VWF: variants seen among roughly 807,000 people sequenced by gnomAD.
VWF encodes von Willebrand factor, also known as Factor VIII related antigen.
VWF carries 176 observed loss-of-function variants against 308.6 expected under a neutral mutation model. The observed-to-expected ratio is 0.57, with a 90% CI of 0.50 to 0.65. The LOEUF (loss-of-function observed/expected upper bound fraction) is 0.65. Ranked by LOEUF, VWF falls within the 30% of genes least tolerant of loss-of-function variation. The pLI, the probability that VWF is intolerant of heterozygous loss-of-function variation, is 0.00. For synonymous variants in VWF, 1,385 were observed against 1,443.4 expected (o/e 0.96, Z 0.92); for missense variants, 3,146 against 3,648.2 (o/e 0.86, Z 3.55).
At chr12:5,990,027 A>G (rs1460281956) in intron 38 of VWF, among the ~76,000 whole-genome samples, 1 of 152,250 alleles carries the variant, frequency 6.6e-6, no homozygotes, top group Admixed American at 6.5e-5. Context: ...ATATCACAGA[A>G]CAGGCAATTA....
At position 6,069,094 on chromosome 12, in the gene VWF, C is replaced by T. The variant is rs150025007; in HGVS notation, c.1156+2203G>A. The stretch of plus-strand genomic sequence containing the variant: ...CTGGTCTCCAACCCCTGGGCTCAAG[C>T]GCTCTGCCCACTGAGCCTCCCAAAA... On this transcript the variant is annotated intron_variant, in intron 10 of 51. Transcript: ENST00000261405. Among the ~76,000 whole-genome samples, 217 of 151,734 alleles carry T rather than the reference C, an allele frequency of 1.4e-3. 2 individuals carry two copies. The highest frequency in any genetic ancestry group is 4.8e-3 in the African/African-American group (199 of 41,316).
At chr12:6,104,595 T>C (rs181113544) in intron 5 of VWF, among the ~76,000 whole-genome samples, 2 of 150,050 alleles carry the variant, frequency 1.3e-5, no homozygotes, top group African/African-American at 4.9e-5. Flanking sequence ...TACTCAGGAG[T>C]CTGAGGCAGG....
chr12:5,953,314 AAT>A (rs1225845456), intron 48 of VWF, among the ~76,000 whole-genome samples, 180 bp downstream of exon 48: 3 of 152,204 alleles, frequency 2.0e-5, no homozygotes, highest in Non-Finnish European at 4.4e-5. Flanking sequence ...AAAATAACTA[AAT>A]AAAAGAGAAA....
intron 37 of VWF, among the ~76,000 whole-genome samples, chr12:5,992,306 C>A (rs927746705): frequency 6.6e-6 from 1 of 152,206 alleles, no homozygotes; most frequent in Non-Finnish European, 1.5e-5. Context: ...ATGGCAGCTT[C>A]CAGGAGTCCA....
In VWF at chr12:6,063,043, T is replaced by C; in HGVS notation, c.1444A>G (p.Ile482Val). 6.2e-7 allele frequency: 1 copy of C among 1,613,316 alleles called. No individual in the cohort carries two copies. The highest frequency in any genetic ancestry group is 1.1e-5 in the South Asian group (1 of 91,048). ...QLPLLKGDLR[I>V]QHTVTASVRL... Reference sequence around the variant, plus strand: ...ACGGAGGCCGTCACTGTATGCTGGATGCGGAGGTCACCTGGAACCCAGCAG... The same window carrying C: ...ACGGAGGCCGTCACTGTATGCTGGACGCGGAGGTCACCTGGAACCCAGCAG... The change falls in exon 13 of 52, where the codon ATC becomes GTC. Residue 482 changes from isoleucine to valine, a missense_variant. By Grantham distance (29) the Ile-to-Val change is conservative. This residue lies in a region of VWF where 1,304 missense variants were observed against 1,353.0 expected (regional missense o/e 0.96). Coordinates refer to ENST00000261405, the MANE Select transcript of VWF (RefSeq NM_000552.5). The surrounding 1 kb of genome is among the most constrained non-coding windows in gnomAD (Gnocchi z 4.9).
chr12:6,110,640 TC>T, intron 4 of VWF, 58 bp from the exon 5 acceptor site: 1 of 1,569,300 alleles, frequency 6.4e-7, no homozygotes, highest in Non-Finnish European at 8.8e-7. Flanking sequence ...TGGATGTCTC[TC>T]CCACCTTCTA....
intron 34 of VWF, 136 bp from the exon 35 acceptor site, chr12:5,996,358 A>C: frequency 1.3e-6 from 1 of 796,010 alleles, no homozygotes; most frequent in Non-Finnish European, 2.1e-6. Flanking sequence ...GAGGTCATAT[A>C]GAACAATTTC....
intron 18 of VWF, 30 bp from the exon 19 acceptor site, chr12:6,036,521 G>C (rs999457108): frequency 6.2e-7 from 1 of 1,603,728 alleles, no homozygotes; most frequent in African/African-American, 1.3e-5. Flanking sequence ...AAGTCCTCAG[G>C]GCCACAGTGA....
rs918057829 is a variant in VWF, at chr12:5,969,206, C to T, written c.7729+5G>A. ...TCCAGCCCAGCCCCAGCCTGCATGCCTTACCACAGCGACAGCTTGGGCAGC... is the reference window on the plus strand; with the variant it reads ...TCCAGCCCAGCCCCAGCCTGCATGCTTTACCACAGCGACAGCTTGGGCAGC... On this transcript the variant is annotated splice_donor_5th_base_variant and intron_variant, in intron 45 of 51. Transcript: ENST00000261405. 6.2e-6 allele frequency: 10 copies of T among 1,611,210 alleles called. No individual in the cohort carries two copies. The highest frequency in any genetic ancestry group is 8.5e-6 in the Non-Finnish European group (10 of 1,178,730).
At chr12:5,989,531 T>C (rs1410697475) in intron 38 of VWF, among the ~76,000 whole-genome samples, 2 of 152,244 alleles carry the variant, frequency 1.3e-5, no homozygotes, top group African/African-American at 4.8e-5. Context: ...TTTCAAAGTT[T>C]TCAATTAACT....
At chr12:5,990,882 AAAAAAAAAAAAAAAAAAAAAAAAAAAT>A (rs1943732986) in intron 38 of VWF, among the ~76,000 whole-genome samples, 1 of 68,596 alleles carries the variant, frequency 1.5e-5, no homozygotes, top group African/African-American at 4.6e-5. Flanking sequence ...AAAAAAAAAA[AAAAAAAAAAAAAAAAAAAAAAAAAAAT>A]TTTGATGACT....
rs538827479 is a variant in VWF at position 6,075,292 on chromosome 12, G to A, written c.874+43C>T. ...TAAGGGACACCACCCAGGACAGACC[G>A]TTCATCCCCGGCAGGGCAGGACGGG... On this transcript the variant is annotated intron_variant, in intron 7 of 51. Transcript: ENST00000261405. The surrounding 1 kb of genome is among the most constrained non-coding windows in gnomAD (Gnocchi z 4.7). 81 of 1,611,976 alleles carry A rather than the reference G, an allele frequency of 5.0e-5. No homozygotes were observed. Among genetic ancestry groups the A allele is most frequent in the East Asian group, 2.9e-4 (13 of 44,870 alleles).
chr12:6,072,314 T>G lies in VWF; in HGVS notation c.1109+17A>C. 1 of 1,611,582 alleles carries G rather than the reference T, an allele frequency of 6.2e-7. No homozygotes were observed. The highest frequency in any genetic ancestry group is 8.5e-7 in the Non-Finnish European group (1 of 1,177,958). ...CCCAGGCAGGTCTCCCAGAGCACGC[T>G]GCGCAGCCCCCATTACCAGGTGTTG... On this transcript the variant is annotated intron_variant, in intron 9 of 51. Transcript: ENST00000261405.
rs751260845 is a variant in VWF at position 6,019,439 on chromosome 12, C to T, written c.3979G>A (p.Ala1327Thr). The stretch of plus-strand genomic sequence containing the variant: ...TTCCGGTCCTTGAGCCCGATGTAGG[C>T]GTGGGAGCCGTCGTGGTACTCCACC... ...AVVEYHDGSH[A>T]YIGLKDRKRP... is the part of the protein sequence containing the mutation. The change falls in exon 28 of 52, where the codon GCC becomes ACC. Residue 1327 changes from alanine to threonine, a missense_variant. This residue lies in a region of VWF where 853 missense variants were observed against 1,177.8 expected (regional missense o/e 0.72). Transcript: ENST00000261405. This position sits in a 1 kb window ranked among gnomAD's most constrained non-coding sequence, Gnocchi z 5.8. The T allele has an allele frequency of 5.0e-6, 8 of 1,613,772 alleles. No homozygotes were observed. The highest frequency in any genetic ancestry group is 4.0e-5 in the African/African-American group (3 of 74,922).
In VWF at chr12:6,020,346, C is replaced by A. The variant is rs1420258925; in HGVS notation, c.3675-603G>T. Among the ~76,000 whole-genome samples the A allele has an allele frequency of 6.6e-6, 1 of 152,192 alleles. No individual in the cohort carries two copies. The highest frequency in any genetic ancestry group is 2.4e-5 in the African/African-American group (1 of 41,458). The stretch of plus-strand genomic sequence containing the variant: ...AAAACCCCAGCTTTATCTAGCAGAA[C>A]AAATTATTTGGGAGTAGCAGACAGG... On this transcript the variant is annotated intron_variant, in intron 27 of 51. Transcript: ENST00000261405. This position sits in a 1 kb window ranked among gnomAD's most constrained non-coding sequence, Gnocchi z 4.3.
chr12:5,953,548 A>C lies in VWF; in HGVS notation c.7934T>G (p.Leu2645Trp), dbSNP rs777271299. Residue 2645 changes from leucine to tryptophan, a missense_variant, in exon 48 of 52, where the codon TTG becomes TGG. By Grantham distance (61) the Leu-to-Trp change is moderately conservative. Around this residue, in one of 3 missense-constraint regions of VWF, gnomAD observed 989 missense variants for 1,117.4 expected, o/e 0.89. Coordinates refer to ENST00000261405, the MANE Select transcript of VWF (RefSeq NM_000552.5). ...NNTGECCGRC[L>W]PTACTIQLRG... ...TAGCTGAATGGTGCAAGCCGTAGGC[A>C]AACATCTCCCACAACATTCACCTGT... The C allele has an allele frequency of 1.2e-6, 2 of 1,614,220 alleles. No homozygotes were observed. Among genetic ancestry groups the C allele is most frequent in the South Asian group, 2.2e-5 (2 of 91,084 alleles).
intron 47 of VWF, among the ~76,000 whole-genome samples, chr12:5,955,776 T>C (rs1943242944): frequency 6.6e-6 from 1 of 152,092 alleles, no homozygotes; most frequent in Non-Finnish European, 1.5e-5. Context: ...CTGGAAACTT[T>C]AGGAAAAAAA....
At chr12:5,977,399 A>G (rs939781325) in intron 42 of VWF, among the ~76,000 whole-genome samples, 2 of 152,226 alleles carry the variant, frequency 1.3e-5, no homozygotes, top group Non-Finnish European at 2.9e-5. Flanking sequence ...CTATGCAGCT[A>G]TAAGAAAGAA....
rs752191528 is a variant in VWF, at chr12:6,031,461, C to T, written c.2803G>A (p.Glu935Lys). 4 of 1,614,174 alleles carry T rather than the reference C, an allele frequency of 2.5e-6. No individual in the cohort carries two copies. The highest frequency in any genetic ancestry group is 2.2e-5 in the South Asian group (2 of 91,076). The change falls in exon 21 of 52, where the codon GAG (glutamate) becomes AAG (lysine). Residue 935 changes from glutamate (E) to lysine (K), a missense_variant. This residue lies in a region of VWF where 1,304 missense variants were observed against 1,353.0 expected (regional missense o/e 0.96). Coordinates refer to ENST00000261405, the MANE Select transcript of VWF (RefSeq NM_000552.5). The stretch of plus-strand genomic sequence containing the variant: ...GCACTTACCTCCCCGTCAAACAGCT[C>T]AATCTCTCCTCCCTCCACCAGGATG... Reference protein sequence around the residue: ...VTILVEGGEIELFDGEVNVKR... With the variant: ...VTILVEGGEIKLFDGEVNVKR...
Sources: allele counts gnomAD v4.1 joint callset (sites outside exome capture counted in the v4.1 genomes callset), GRCh38; gene constraint gnomAD v4.1.1; regional missense constraint gnomAD v4.1.1; non-coding constraint Gnocchi (gnomAD v3.1); transcripts MANE v1.5; gene names NCBI Gene and HGNC (gene_info 2026-07-23, HGNC 2026-07-21).